The following ITGAL variants were observed in gnomAD, a reference collection of about 807,000 sequenced individuals.
ITGAL encodes the protein integrin subunit alpha L.
A neutral mutation model predicts 138.4 loss-of-function variants in ITGAL; 68 were observed. That is an observed-to-expected ratio of 0.49 (90% CI 0.40 to 0.60). The LOEUF (loss-of-function observed/expected upper bound fraction) is 0.60. Ranked by LOEUF, ITGAL falls within the 20% of genes least tolerant of loss-of-function variation. The pLI is 0.00. For missense variants in ITGAL, 1,256 were observed against 1,478.6 expected, an observed-to-expected ratio of 0.85 and a Z score of 2.47; for synonymous variants, 561 against 584.3, an observed-to-expected ratio of 0.96 and a Z score of 0.57.
At chr16:30,482,257 A>C (rs2050572274) in intron 7 of ITGAL, among the ~76,000 whole-genome samples, 1 of 152,128 alleles carries the variant, frequency 6.6e-6, no homozygotes, top group African/African-American at 2.4e-5. Context: ...CAGCCTGGAC[A>C]ACAGAGCAAG....
At chr16:30,496,668 G>T (rs2050805635) in intron 15 of ITGAL, 102 bp downstream of exon 15, 4 of 1,121,258 alleles carry the variant, frequency 3.6e-6, no homozygotes, top group African/African-American at 1.6e-5. Context: ...TAGAGACAGG[G>T]TCTCTCTTTG....
At position 30,490,385 on chromosome 16, in the gene ITGAL, G is replaced by A. The variant is rs35276804; in HGVS notation, c.1213+999G>A. 5.5e-3 allele frequency among the ~76,000 whole-genome samples: 840 copies of A among 152,090 alleles called. 7 individuals carry two copies. The highest frequency in any genetic ancestry group is 0.019 in the African/African-American group (778 of 41,488). ...AGGCATCAGTCAACCAGAGGCCACC[G>A]CTATAGCCCAGAGCCAGCCAAAATT... On this transcript the variant is annotated intron_variant, in intron 11 of 30. Coordinates refer to ENST00000356798, the MANE Select transcript of ITGAL (RefSeq NM_002209.3).
In ITGAL at chr16:30,499,196, T is replaced by C. The variant is rs1486828708; in HGVS notation, c.1955T>C (p.Ile652Thr). The stretch of plus-strand genomic sequence containing the variant: ...ATGAAAGAAGGAGTTAATATCACAA[T>C]CTGTTTCCAGATCAAGTCTCTCATC... ...NKMKEGVNITICFQIKSLIPQ... is the reference protein window; with the variant it reads ...NKMKEGVNITTCFQIKSLIPQ... The change falls in exon 16 of 31, where the codon ATC becomes ACC. Residue 652 changes from isoleucine (I) to threonine (T), a missense_variant. Physicochemically the swap from Ile to Thr is moderately conservative, Grantham distance 89. Around this residue, in one of 3 missense-constraint regions of ITGAL, gnomAD observed 867 missense variants for 972.5 expected, o/e 0.89. Coordinates refer to ENST00000356798, the MANE Select transcript of ITGAL (RefSeq NM_002209.3). 1.2e-6 allele frequency: 2 copies of C among 1,614,184 alleles called. No individual in the cohort carries two copies. The highest frequency in any genetic ancestry group is 1.7e-6 in the Non-Finnish European group (2 of 1,180,030).
chr16:30,516,268 C>T (rs867278964), intron 25 of ITGAL, among the ~76,000 whole-genome samples: 36 of 150,462 alleles, frequency 2.4e-4, no homozygotes, highest in Middle Eastern at 3.4e-3. Context: ...CTCACTCTGT[C>T]GCCCAGGTTG....
intron 2 of ITGAL, chr16:30,474,514 G>C (rs2050440644): frequency 1.2e-5 from 7 of 561,708 alleles, no homozygotes; most frequent in Admixed American, 9.2e-5. Context: ...TGGAAGTGCA[G>C]AACAGGGAAG....
At chr16:30,478,614 C>T (rs1326013212) in intron 4 of ITGAL, among the ~76,000 whole-genome samples, 6 of 143,702 alleles carry the variant, frequency 4.2e-5, no homozygotes, top group East Asian at 2.1e-4. Context: ...AGGAGAATGG[C>T]GTGAACCCGG....
intron 1 of ITGAL, chr16:30,473,873 T>C (rs1031995079): frequency 3.4e-5 from 17 of 502,406 alleles, no homozygotes; most frequent in African/African-American, 3.3e-4. Flanking sequence ...TCTTGGCCTC[T>C]GCCTGAGAAC....
intron 25 of ITGAL, 138 bp from the exon 26 acceptor site, chr16:30,516,835 T>C: frequency 1.4e-6 from 1 of 710,134 alleles, no homozygotes; most frequent in Non-Finnish European, 2.6e-6. Flanking sequence ...GCCCAGTCAC[T>C]GGACACTGCC....
rs1432515197 is a variant in ITGAL, at chr16:30,521,636, G to A, written c.3484G>A (p.Asp1162Asn). 3.1e-6 allele frequency: 5 copies of A among 1,614,106 alleles called. No homozygotes were observed. The South Asian group carries it at 5.5e-5, about 18-fold the overall frequency. Residue 1162 changes from aspartate (D) to asparagine (N), a missense_variant, in exon 31 of 31, where the codon GAC (aspartate) becomes AAC (asparagine). Transcript: ENST00000356798. ...PGCLKPLHEK[D>N]SESGGGKD ...CTGCCTGAAGCCCCTCCATGAGAAG[G>A]ACTCTGAGAGTGGTGGTGGCAAGGA...
intron 20 of ITGAL, 120 bp from the exon 21 acceptor site, chr16:30,506,582 AAAAAAAAAAAAAG>A: frequency 3.1e-5 from 12 of 390,690 alleles, no homozygotes; most frequent in South Asian, 2.5e-4. Context: ...AAAAAAAAAA[AAAAAAAAAAAAAG>A]ACTGAGCATA....
chr16:30,502,185 G>A (rs183100175), intron 17 of ITGAL, among the ~76,000 whole-genome samples: 2 of 151,678 alleles, frequency 1.3e-5, no homozygotes, highest in South Asian at 2.1e-4. Context: ...ATCACGAGGT[G>A]AGGAGATTGA....
intron 15 of ITGAL, 94 bp from the exon 16 acceptor site, chr16:30,498,980 A>G (rs1597087803): frequency 8.8e-7 from 1 of 1,136,976 alleles, no homozygotes; most frequent in Non-Finnish European, 1.3e-6. Flanking sequence ...TTAGGGAAGG[A>G]GAGTTCTCTG....
chr16:30,501,661 C>G (rs1357467498), intron 17 of ITGAL, among the ~76,000 whole-genome samples: 2 of 115,922 alleles, frequency 1.7e-5, no homozygotes, highest in African/African-American at 6.8e-5. Flanking sequence ...AGGTACATAT[C>G]ATGCATCCCA....
chr16:30,479,916 T>G (rs2050529822), intron 6 of ITGAL, among the ~76,000 whole-genome samples: 1 of 152,128 alleles, frequency 6.6e-6, no homozygotes, highest in South Asian at 2.1e-4. Flanking sequence ...CCCAAAGTGC[T>G]GGGATTACAG....
chr16:30,517,881 G>T lies in ITGAL; in HGVS notation c.3118G>T (p.Val1040Leu), dbSNP rs757156287. Residue 1040 changes from valine (V) to leucine (L), a missense_variant, in exon 28 of 31, where the codon GTG becomes TTG. By Grantham distance (32) the Val-to-Leu change is conservative (BLOSUM62 1). Transcript: ENST00000356798. ...LVQVIGTLEL[V>L]GEIEASSMFS... Reference sequence around the variant, plus strand: ...CCAAGTGATCGGGACTCTGGAGCTGGTGGGAGAGATCGAGGTAGTCCCCGC... The same window carrying T: ...CCAAGTGATCGGGACTCTGGAGCTGTTGGGAGAGATCGAGGTAGTCCCCGC... 6.2e-7 allele frequency: 1 copy of T among 1,614,064 alleles called. No individual in the cohort carries two copies. The highest frequency in any genetic ancestry group is 8.5e-7 in the Non-Finnish European group (1 of 1,180,022).
chr16:30,481,727 C>A, intron 7 of ITGAL, 143 bp downstream of exon 7: 1 of 699,118 alleles, frequency 1.4e-6, no homozygotes. Context: ...AACAATTTTA[C>A]TGCAGATTCT....
chr16:30,480,215 A>T lies in ITGAL; in HGVS notation c.576+754A>T, dbSNP rs1003520753. 4.9e-4 allele frequency among the ~76,000 whole-genome samples: 74 copies of T among 152,028 alleles called. 1 individual carries two copies. The highest frequency in any genetic ancestry group is 4.4e-5 in the Non-Finnish European group (3 of 67,960). ...CTCCCAAAGTGCTGGGATTACAGGC[A>T]TGAGCCACTGTGCCCAGCTAGTTCT... On this transcript the variant is annotated intron_variant, in intron 6 of 30. Transcript: ENST00000356798.
intron 29 of ITGAL, 131 bp from the exon 30 acceptor site, chr16:30,519,726 G>A: frequency 1.4e-6 from 1 of 704,180 alleles, no homozygotes; most frequent in Non-Finnish European, 2.6e-6. Context: ...TAAAGGGAGA[G>A]GGTCTGCAGC....
intron 6 of ITGAL, chr16:30,481,143 A>C (rs796278760): frequency 1.9e-5 from 4 of 216,074 alleles, no homozygotes; most frequent in African/African-American, 5.6e-5. Context: ...CTCTACTAAA[A>C]ACACACACAC....
Sources: gnomAD v4.1 joint callset for allele counts (sites outside exome capture counted in the v4.1 genomes callset) on GRCh38, gnomAD v4.1.1 for gene constraint, gnomAD v4.1.1 regional missense constraint, MANE v1.5 for transcripts, NCBI Gene and HGNC (gene_info 2026-07-23, HGNC 2026-07-21) for gene names.